The following CARMIL3 variants were observed in gnomAD, a reference collection of about 807,000 sequenced individuals.
CARMIL3 encodes capping protein, Arp2/3 and myosin-I linker protein 3.
A neutral mutation model predicts 180.8 loss-of-function variants in CARMIL3; 88 were observed. The ratio of observed to expected loss-of-function variants is 0.49; its 90% confidence interval spans 0.41 to 0.58. CARMIL3 has a LOEUF of 0.58. CARMIL3 is among the 20% of genes least tolerant of loss of function. The pLI, the probability that CARMIL3 is intolerant of heterozygous loss-of-function variation, is 0.00. For synonymous variants in CARMIL3, 696 were observed against 714.5 expected (o/e 0.97, Z 0.41); for missense variants, 1,548 against 1,787.0 (o/e 0.87, Z 2.41).
chr14:24,062,240 C>T (rs763422238), intron 27 of CARMIL3: 3 of 580,632 alleles, frequency 5.2e-6, no homozygotes, highest in African/African-American at 3.7e-5. Flanking sequence ...TCCTTCTCCT[C>T]GAATTCCTCT....
chr14:24,068,195 G>A (rs866996801), intron 36 of CARMIL3, among the ~76,000 whole-genome samples: 1 of 152,170 alleles, frequency 6.6e-6, no homozygotes, highest in Admixed American at 6.5e-5. Flanking sequence ...TCAAGAGATC[G>A]AGACAATCCT....
intron 38 of CARMIL3, 84 bp from the exon 39 acceptor site, chr14:24,069,053 G>A (rs2035826879): frequency 6.3e-7 from 1 of 1,592,644 alleles, no homozygotes; most frequent in Admixed American, 1.7e-5. Context: ...CATGGAATGA[G>A]TGACAACCAG....
At chr14:24,066,688 T>C in intron 36 of CARMIL3, 32 bp downstream of exon 36, 1 of 1,609,290 alleles carries the variant, frequency 6.2e-7, no homozygotes, top group African/African-American at 1.3e-5. Context: ...GCAGCAGTAC[T>C]GAAAGCCCAG....
At position 24,054,770 on chromosome 14, in the gene CARMIL3, A is replaced by T. The variant is rs781220658; in HGVS notation, c.422A>T (p.Asn141Ile). 1.9e-6 allele frequency: 3 copies of T among 1,613,886 alleles called. No homozygotes were observed. The highest frequency in any genetic ancestry group is 2.5e-6 in the Non-Finnish European group (3 of 1,179,984). The change falls in exon 6 of 40, where the codon AAC (asparagine) becomes ATC (isoleucine). Residue 141 changes from asparagine (N) to isoleucine (I), a missense_variant. Asn to Ile is a moderately radical substitution (Grantham distance 149, BLOSUM62 -3). Around this residue, in one of 4 missense-constraint regions of CARMIL3, gnomAD observed 578 missense variants for 666.5 expected, o/e 0.87. Transcript: ENST00000342740. This position sits in a 1 kb window ranked among gnomAD's most constrained non-coding sequence, Gnocchi z 5.1. The part of the protein sequence containing the change: ...TPEGPRDTSP[N>I]SETSTSTTHS... ...GAGGGGCCCCGAGATACATCCCCCA[A>T]CTCTGAGACTTCCACATCTACCACC...
At position 24,052,082 on chromosome 14, in the gene CARMIL3, G is replaced by T. The variant is rs1368409721; in HGVS notation, c.-72G>T. 4 of 1,481,748 alleles carry T rather than the reference G, an allele frequency of 2.7e-6. No individual in the cohort carries two copies. The Middle Eastern group carries it at 6.0e-4, about 223-fold the overall frequency. The allele number at this position is 1,481,748 out of a possible 1,614,324, so 91.8% of individuals were successfully genotyped here. On this transcript the variant is annotated 5_prime_UTR_variant, in exon 1 of 40. Transcript: ENST00000342740. ...AGCGCCCGGGCCCTGCTGAAGCCGG[G>T]TCTAGCATGTGCCGCGGCTCCCCGG...
intron 24 of CARMIL3, 117 bp from the exon 25 acceptor site, chr14:24,060,511 C>A: frequency 6.8e-7 from 1 of 1,464,298 alleles, no homozygotes; most frequent in Non-Finnish European, 9.2e-7. Flanking sequence ...ACCAGGCCAG[C>A]CAGAGACATC....
At position 24,069,538 on chromosome 14, in the gene CARMIL3, G is replaced by T. The variant is rs554077261; in HGVS notation, c.*134G>T. ...CAAGACGGCAGGACCAGGCATGGGGGAGCTGGAGGCAGGGACTAGAACAGA... is the reference window on the plus strand; with the variant it reads ...CAAGACGGCAGGACCAGGCATGGGGTAGCTGGAGGCAGGGACTAGAACAGA... On this transcript the variant is annotated 3_prime_UTR_variant, in exon 40 of 40. Coordinates refer to ENST00000342740, the MANE Select transcript of CARMIL3 (RefSeq NM_138360.4). 5.9e-6 allele frequency: 7 copies of T among 1,188,860 alleles called. No individual in the cohort carries two copies. In the East Asian group the frequency reaches 7.6e-5, roughly 13 times the overall value. The allele number at this position is 1,188,860 out of a possible 1,614,324, so 73.6% of individuals were successfully genotyped here.
chr14:24,060,845 A>G, intron 25 of CARMIL3, 82 bp from the exon 26 acceptor site: 1 of 1,550,720 alleles, frequency 6.4e-7, no homozygotes, highest in Non-Finnish European at 8.7e-7. Flanking sequence ...TGCCCTGTGC[A>G]TCTGCCTTCC....
chr14:24,053,975 A>C, intron 2 of CARMIL3, 113 bp from the exon 3 acceptor site: 3 of 1,286,678 alleles, frequency 2.3e-6, no homozygotes, highest in Non-Finnish European at 2.2e-6. Context: ...AGTCTAGGGT[A>C]GGGCATCGGG....
chr14:24,054,071 T>G lies in CARMIL3; in HGVS notation c.136-17T>G. The G allele has an allele frequency of 6.2e-7, 1 of 1,613,066 alleles. No individual in the cohort carries two copies. The highest frequency in any genetic ancestry group is 8.5e-7 in the Non-Finnish European group (1 of 1,179,928). On this transcript the variant is annotated splice_polypyrimidine_tract_variant and intron_variant, in intron 2 of 39. Transcript: ENST00000342740. The surrounding 1 kb of genome is among the most constrained non-coding windows in gnomAD (Gnocchi z 5.1). ...CAGCAGCTGCCATGAGCTGCCGATT[T>G]TTTCCTCTCTCTGTAGGCCCTGACC...
chr14:24,063,138 A>G lies in CARMIL3; in HGVS notation c.2725A>G (p.Lys909Glu). 6.2e-7 allele frequency: 1 copy of G among 1,613,510 alleles called. No individual in the cohort carries two copies. Among genetic ancestry groups the G allele is most frequent in the Non-Finnish European group, 8.5e-7 (1 of 1,179,488 alleles). The change falls in exon 30 of 40, where the codon AAG (lysine) becomes GAG (glutamate). Residue 909 changes from lysine (K) to glutamate (E), a missense_variant. By Grantham distance (56) the Lys-to-Glu change is moderately conservative. Coordinates refer to ENST00000342740, the MANE Select transcript of CARMIL3 (RefSeq NM_138360.4). ...GTNIDTMAIK[K>E]QKRCRKIRPV... ...TCTGCAGGACACCATGGCCATCAAA[A>G]AGCAGAAACGCTGCCGCAAGATTCG...
At chr14:24,053,090 G>A (rs951402608) in intron 1 of CARMIL3, among the ~76,000 whole-genome samples, 1 of 151,864 alleles carries the variant, frequency 6.6e-6, no homozygotes, top group Non-Finnish European at 1.5e-5. Flanking sequence ...ACTATATCTG[G>A]GTGGTTCTGC....
chr14:24,052,019 C>G lies in CARMIL3; in HGVS notation c.-135C>G. 1.2e-6 allele frequency: 1 copy of G among 809,712 alleles called. No individual in the cohort carries two copies. The highest frequency in any genetic ancestry group is 1.7e-6 in the Non-Finnish European group (1 of 573,008). The allele number at this position is 809,712 out of a possible 1,614,324, so 50.2% of individuals were successfully genotyped here. On this transcript the variant is annotated 5_prime_UTR_variant, in exon 1 of 40. Transcript: ENST00000342740. ...GGGGGAGGAGCGCTCAAGCAGCCGC[C>G]CCTGACCGGAGCGGGCTCGGCCGCT...
rs747433076 is a variant in CARMIL3, at chr14:24,069,415, A to G, written c.*11A>G. The stretch of plus-strand genomic sequence containing the variant: ...CCAGGAACAGACTGACAACTGCCAC[A>G]ACACCCTCCTCAGCCCTCGACATGT... On this transcript the variant is annotated 3_prime_UTR_variant, in exon 40 of 40. Coordinates refer to ENST00000342740, the MANE Select transcript of CARMIL3 (RefSeq NM_138360.4). The G allele has an allele frequency of 6.2e-7, 1 of 1,614,078 alleles. No homozygotes were observed.
rs777110873 is a variant in CARMIL3, at chr14:24,058,173, C to T, written c.1341C>T (p.Leu447=). The stretch of plus-strand genomic sequence containing the variant: ...CCCACAGGGCGCTGCTTCAGGGCCT[C>T]TCCCTCAACAGTCACCTCAGTGACC... ...LEALRALLQG[L]SLNSHLSDLH... is the part of the protein sequence containing the mutation. Residue 447 remains leucine, a synonymous_variant, in exon 17 of 40, where the codon CTC becomes CTT. Coordinates refer to ENST00000342740, the MANE Select transcript of CARMIL3 (RefSeq NM_138360.4). This position sits in a 1 kb window ranked among gnomAD's most constrained non-coding sequence, Gnocchi z 6.4. 2.4e-5 allele frequency: 38 copies of T among 1,613,858 alleles called. No individual in the cohort carries two copies. In the South Asian group the frequency reaches 4.1e-4, roughly 17 times the overall value.
chr14:24,057,321 C>T, intron 14 of CARMIL3, 77 bp downstream of exon 14: 1 of 1,337,228 alleles, frequency 7.5e-7, no homozygotes, highest in Non-Finnish European at 1.1e-6. Context: ...CACCCCCTAT[C>T]CCTGAGTACA....
Position 24,058,179 on chromosome 14 carries a change from C to T in CARMIL3, c.1347C>T (p.Leu449=). 6.2e-7 allele frequency: 1 copy of T among 1,613,892 alleles called. No homozygotes were observed. Among genetic ancestry groups the T allele is most frequent in the Non-Finnish European group, 8.5e-7 (1 of 1,179,998 alleles). The change falls in exon 17 of 40, where the codon CTC becomes CTT. Residue 449 remains leucine, a synonymous_variant. Coordinates refer to ENST00000342740, the MANE Select transcript of CARMIL3 (RefSeq NM_138360.4). The surrounding 1 kb of genome is among the most constrained non-coding windows in gnomAD (Gnocchi z 6.4). The part of the protein sequence containing the change: ...ALRALLQGLS[L]NSHLSDLHLD... Reference sequence around the variant, plus strand: ...GGGCGCTGCTTCAGGGCCTCTCCCTCAACAGTCACCTCAGTGACCTGCACC... The same window carrying T: ...GGGCGCTGCTTCAGGGCCTCTCCCTTAACAGTCACCTCAGTGACCTGCACC...
intron 10 of CARMIL3, 122 bp from the exon 11 acceptor site, chr14:24,056,177 C>T: frequency 1.3e-6 from 1 of 749,266 alleles, no homozygotes; most frequent in Non-Finnish European, 2.2e-6. Context: ...AGCTGTTCCC[C>T]TGTTGTGGGG....
chr14:24,065,695 T>G lies in CARMIL3; in HGVS notation c.3470T>G (p.Val1157Gly). Residue 1157 changes from valine (V) to glycine (G), a missense_variant, in exon 34 of 40, where the codon GTT (valine) becomes GGT (glycine). By Grantham distance (109) the Val-to-Gly change is moderately radical. This residue lies in a region of CARMIL3 where 668 missense variants were observed against 687.8 expected (regional missense o/e 0.97). Coordinates refer to ENST00000342740, the MANE Select transcript of CARMIL3 (RefSeq NM_138360.4). ...GTAQQPRVHGVALPGLERAKG... is the reference protein window; with the variant it reads ...GTAQQPRVHGGALPGLERAKG... ...GCACAGCAGCCAAGGGTTCACGGTG[T>G]TGCCCTTCCCGGGTTGGAAAGAGCC... is the stretch of plus-strand genomic sequence containing the variant. 6.2e-7 allele frequency: 1 copy of G among 1,613,978 alleles called. No homozygotes were observed. The highest frequency in any genetic ancestry group is 1.1e-5 in the South Asian group (1 of 91,070).
Sources: gnomAD v4.1 joint callset for allele counts (sites outside exome capture counted in the v4.1 genomes callset) on GRCh38, gnomAD v4.1.1 for gene constraint, gnomAD v4.1.1 regional missense constraint, Gnocchi (gnomAD v3.1) non-coding constraint, MANE v1.5 for transcripts, NCBI Gene and HGNC (gene_info 2026-07-23, HGNC 2026-07-21) for gene names.